Variants in CAMTA1 observed in about 807,000 individuals in gnomAD.
The protein encoded by CAMTA1 is calmodulin-binding transcription activator 1.
CAMTA1 carries 27 observed loss-of-function variants against 170.9 expected under a neutral mutation model. The ratio of observed to expected loss-of-function variants is 0.16; its 90% CI spans 0.12 to 0.22. CAMTA1 has a LOEUF of 0.22. Among genes scored for constraint, CAMTA1 ranks in the 10% least tolerant of loss-of-function variants. CAMTA1 has a pLI of 1.00. For synonymous variants in CAMTA1, 833 were observed against 891.5 expected, an observed-to-expected ratio of 0.93 and a Z score of 1.17; for missense variants, 1,619 against 2,217.2, an observed-to-expected ratio of 0.73 and a Z score of 5.42.
rs147402761 is a variant in CAMTA1 at position 7,147,565 on chromosome 1, C to T, written c.302+56194C>T. On this transcript the variant is annotated intron_variant, in intron 4 of 22. Transcript: ENST00000303635. ...CTATGCACACGCAAACACAAACATA[C>T]ATCACACACACGCACTGAAATATGC... Among the ~76,000 whole-genome samples the T allele has an allele frequency of 6.4e-4, 96 of 149,800 alleles. 1 individual carries two copies. Among genetic ancestry groups the T allele is most frequent in the African/African-American group, 2.2e-3 (89 of 40,590 alleles).
intron 5 of CAMTA1, among the ~76,000 whole-genome samples, chr1:7,262,759 T>C (rs993137485): frequency 6.6e-6 from 1 of 152,146 alleles, no homozygotes; most frequent in Admixed American, 6.5e-5. Context: ...GTTGCTTCTG[T>C]CACACCAGCA....
At chr1:7,481,640 G>C (rs2093536416) in intron 6 of CAMTA1, among the ~76,000 whole-genome samples, 1 of 152,162 alleles carries the variant, frequency 6.6e-6, no homozygotes, top group African/African-American at 2.4e-5. Flanking sequence ...CTGCCACCCA[G>C]ATTCTGCCGT....
At position 7,588,887 on chromosome 1, in the gene CAMTA1, C is replaced by T. The variant is rs191792502; in HGVS notation, c.511-51513C>T. ...ATGTTATTGGGCACCAGGGCAACCC[C>T]GCATCAGGTGCTTATTATTTTCTGC... On this transcript the variant is annotated intron_variant, in intron 6 of 22. Transcript: ENST00000303635. This position sits in a 1 kb window ranked among gnomAD's most constrained non-coding sequence, Gnocchi z 5.8. Among the ~76,000 whole-genome samples, 12 of 152,302 alleles carry T rather than the reference C, an allele frequency of 7.9e-5. No homozygotes were observed. Among genetic ancestry groups the T allele is most frequent in the Admixed American group, 6.5e-4 (10 of 15,306 alleles).
At chr1:7,555,269 G>A (rs778615472) in intron 6 of CAMTA1, among the ~76,000 whole-genome samples, 1 of 152,208 alleles carries the variant, frequency 6.6e-6, no homozygotes, top group East Asian at 1.9e-4. Flanking sequence ...AAGGAAGGGA[G>A]CATTTGTTTC....
intron 6 of CAMTA1, among the ~76,000 whole-genome samples, chr1:7,638,567 G>A (rs990110503): frequency 6.6e-6 from 1 of 152,126 alleles, no homozygotes; most frequent in African/African-American, 2.4e-5. Flanking sequence ...GCTTGAACCT[G>A]GGAGGTGGAG....
chr1:6,957,481 A>G (rs1021829400), intron 3 of CAMTA1, among the ~76,000 whole-genome samples: 3 of 151,774 alleles, frequency 2.0e-5, no homozygotes, highest in African/African-American at 7.3e-5. Context: ...TCTGGGAGAT[A>G]ATCCGTTGCA....
intron 3 of CAMTA1, among the ~76,000 whole-genome samples, chr1:6,904,264 T>C (rs979642089): frequency 2.0e-5 from 3 of 152,192 alleles, no homozygotes; most frequent in Non-Finnish European, 4.4e-5. Flanking sequence ...CCTTCCTGGC[T>C]TCTCTGTAGC....
Position 6,986,412 on chromosome 1 carries a change from G to T in CAMTA1, c.235-104892G>T, listed in dbSNP as rs561703148. ...GGGGAGGGCTCACTGGGCAGAGAAG[G>T]GGAAGTGGGCTTTGCCGTCAGGATC... On this transcript the variant is annotated intron_variant, in intron 3 of 22. Coordinates refer to ENST00000303635, the MANE Select transcript of CAMTA1 (RefSeq NM_015215.4). 5.1e-4 allele frequency among the ~76,000 whole-genome samples: 78 copies of T among 152,288 alleles called. 1 individual carries two copies. In the South Asian group the frequency reaches 0.016, roughly 31 times the overall value.
chr1:7,745,401 C>T (rs1353330840), intron 17 of CAMTA1, among the ~76,000 whole-genome samples: 1 of 152,150 alleles, frequency 6.6e-6, no homozygotes, highest in African/African-American at 2.4e-5. Context: ...TGATAGGCGC[C>T]TGTAATCCCA....
intron 5 of CAMTA1, among the ~76,000 whole-genome samples, chr1:7,310,682 C>CTTTCTT (rs1557491449): frequency 2.7e-5 from 1 of 36,674 alleles, no homozygotes; most frequent in Non-Finnish European, 5.4e-5. Context: ...CTTTCTTTCT[C>CTTTCTT]TCTCTCTCTC....
At chr1:7,364,566 T>C (rs1212646989) in intron 5 of CAMTA1, among the ~76,000 whole-genome samples, 10 of 151,808 alleles carry the variant, frequency 6.6e-5, no homozygotes, top group Non-Finnish European at 1.5e-4. Context: ...GACCTATGAG[T>C]GCATGGTGGT....
intron 11 of CAMTA1, among the ~76,000 whole-genome samples, chr1:7,695,722 G>A (rs571386596): frequency 2.0e-5 from 3 of 152,160 alleles, no homozygotes; most frequent in Non-Finnish European, 4.4e-5. Context: ...GCCAAAGAGA[G>A]ATCAGCAGGG....
chr1:6,904,083 C>A (rs540124357), intron 3 of CAMTA1, among the ~76,000 whole-genome samples: 2 of 152,360 alleles, frequency 1.3e-5, no homozygotes, highest in South Asian at 2.1e-4. Context: ...GTGTAAGTTT[C>A]TCCTGGCCCT....
Position 7,036,891 on chromosome 1 carries a change from G to A in CAMTA1, c.235-54413G>A, listed in dbSNP as rs142229410. ...CTGCTATTTGCAGAGGTCTCTCTTC[G>A]TGGCTGTGGCTTTCTTGTCTTCGGG... is the stretch of plus-strand genomic sequence containing the variant. On this transcript the variant is annotated intron_variant, in intron 3 of 22. Transcript: ENST00000303635. 3.3e-3 allele frequency among the ~76,000 whole-genome samples: 508 copies of A among 152,318 alleles called. 6 individuals are homozygous for A. Among genetic ancestry groups the A allele is most frequent in the African/African-American group, 0.011 (478 of 41,580 alleles).
chr1:7,417,887 C>T (rs772805730), intron 5 of CAMTA1, among the ~76,000 whole-genome samples: 12 of 152,166 alleles, frequency 7.9e-5, no homozygotes, highest in Non-Finnish European at 1.2e-4. Flanking sequence ...GAGCTATAGA[C>T]CCGAGCTGTT....
At chr1:7,747,849 G>A (rs2096867303) in intron 19 of CAMTA1, 68 bp downstream of exon 19, 1 of 1,038,988 alleles carries the variant, frequency 9.6e-7, no homozygotes, top group Non-Finnish European at 1.5e-6. Flanking sequence ...ATCCTGGTTT[G>A]GCTAAAGAGC....
rs1360325947 is a variant in CAMTA1 at position 6,924,702 on chromosome 1, C to T, written c.234+99492C>T. Among the ~76,000 whole-genome samples the T allele has an allele frequency of 3.9e-5, 6 of 152,206 alleles. No individual in the cohort carries two copies. In the South Asian group the frequency reaches 6.2e-4, roughly 16 times the overall value. Reference sequence around the variant, plus strand: ...AAGAAGCATGTTCCAGCTTCTTTTCCGAGGCTATTTATAAACTTTAAAAAA... The same window carrying T: ...AAGAAGCATGTTCCAGCTTCTTTTCTGAGGCTATTTATAAACTTTAAAAAA... On this transcript the variant is annotated intron_variant, in intron 3 of 22. Transcript: ENST00000303635.
rs2091891299 is a variant in CAMTA1, at chr1:7,426,692, T to G, written c.439-41138T>G. On this transcript the variant is annotated intron_variant, in intron 5 of 22. Transcript: ENST00000303635. This position sits in a 1 kb window ranked among gnomAD's most constrained non-coding sequence, Gnocchi z 4.8. ...GGGGCGGGGGAAAGGTGGAGAAAAC[T>G]TCGCTCACCGCATTTGGGCAGGAGA... Among the ~76,000 whole-genome samples, 1 of 151,912 alleles carries G rather than the reference T, an allele frequency of 6.6e-6. No individual in the cohort carries two copies. Among genetic ancestry groups the G allele is most frequent in the Non-Finnish European group, 1.5e-5 (1 of 67,982 alleles).
chr1:7,685,595 TCTC>T lies in CAMTA1; in HGVS notation c.2914+7865_2914+7867del, dbSNP rs939438439. ...CTGCTTGCTCCTCAGTCTCCAAGCTTCTCCTTCCAAAATTCTCTGTCATGTCCC... is the reference window on the plus strand; with the variant it reads ...CTGCTTGCTCCTCAGTCTCCAAGCTTCTTCCAAAATTCTCTGTCATGTCCC... On this transcript the variant is annotated intron_variant, in intron 11 of 22. Transcript: ENST00000303635. The surrounding 1 kb of genome is among the most constrained non-coding windows in gnomAD (Gnocchi z 5.7). 1.1e-4 allele frequency among the ~76,000 whole-genome samples: 16 copies of T among 152,138 alleles called. No homozygotes were observed. Among genetic ancestry groups the T allele is most frequent in the Admixed American group, 9.8e-4 (15 of 15,272 alleles).
Sources: gnomAD v4.1 joint callset for allele counts (sites outside exome capture counted in the v4.1 genomes callset) on GRCh38, gnomAD v4.1.1 for gene constraint, Gnocchi (gnomAD v3.1) non-coding constraint, MANE v1.5 for transcripts, NCBI Gene and HGNC (gene_info 2026-07-23, HGNC 2026-07-21) for gene names.